The following DIP2C variants were observed in gnomAD, a reference collection of about 807,000 sequenced individuals.
The protein encoded by DIP2C is disco-interacting protein 2 homolog C.
Under a neutral mutation model 192.4 loss-of-function variants are expected in DIP2C, and 33 were observed. The ratio of observed to expected loss-of-function variants is 0.17; its 90% CI spans 0.13 to 0.23. DIP2C has a LOEUF of 0.23. Among genes scored for constraint, DIP2C ranks in the 10% least tolerant of loss-of-function variants. The pLI is 1.00. For synonymous variants in DIP2C, 979 were observed against 864.1 expected, an observed-to-expected ratio of 1.13 and a Z score of -2.33; for missense variants, 1,537 against 2,110.1, an observed-to-expected ratio of 0.73 and a Z score of 5.32.
At chr10:572,631 C>T (rs1849895798) in intron 1 of DIP2C, among the ~76,000 whole-genome samples, 1 of 152,248 alleles carries the variant, frequency 6.6e-6, no homozygotes, top group Admixed American at 6.5e-5. Flanking sequence ...ACACGGTCAA[C>T]ATTCTGCTCT....
chr10:660,533 C>T (rs1209430071), intron 1 of DIP2C, among the ~76,000 whole-genome samples: 1 of 152,208 alleles, frequency 6.6e-6, no homozygotes, highest in Non-Finnish European at 1.5e-5. Flanking sequence ...TAGCTCTTGT[C>T]CCTGTTTCAT....
chr10:454,114 A>G (rs1969084205), intron 3 of DIP2C, among the ~76,000 whole-genome samples: 2 of 152,300 alleles, frequency 1.3e-5, no homozygotes, highest in South Asian at 4.2e-4. Flanking sequence ...GTGACTCCAA[A>G]AGAGGCAGAT....
intron 17 of DIP2C, among the ~76,000 whole-genome samples, chr10:375,282 T>C (rs574875841): frequency 2.0e-5 from 3 of 152,156 alleles, no homozygotes; most frequent in African/African-American, 4.8e-5. Context: ...CTCTCTCTCT[T>C]GCTCGCTCAA....
chr10:674,789 T>TATATAGAGAGAG lies in DIP2C; in HGVS notation c.85+14704_85+14705insCTCTCTCTATAT. 4.2e-3 allele frequency among the ~76,000 whole-genome samples: 262 copies of TATATAGAGAGAG among 62,462 alleles called. 3 individuals are homozygous for TATATAGAGAGAG. The highest frequency in any genetic ancestry group is 5.9e-3 in the African/African-American group (65 of 11,048). The allele number at this position is 62,462 out of a possible 152,430, so 41.0% of individuals were successfully genotyped here. A position where few individuals can be genotyped will look rare whatever the true frequency, so the allele number is the denominator to read the frequency against. ...CATCTCAAATATATATATATATATA[T>TATATAGAGAGAG]AGAGAGAGAGAGAGAGAGAGAGAGA... On this transcript the variant is annotated intron_variant, in intron 1 of 36. Transcript: ENST00000280886.
At chr10:664,575 T>C (rs187069436) in intron 1 of DIP2C, 7 of 152,330 alleles carry the variant, frequency 4.6e-5, no homozygotes, top group Admixed American at 3.3e-4. Flanking sequence ...ACACTATTGA[T>C]CATTGTTATA....
chr10:443,515 T>C (rs907832554), intron 3 of DIP2C, among the ~76,000 whole-genome samples: 2 of 152,180 alleles, frequency 1.3e-5, no homozygotes, highest in Non-Finnish European at 2.9e-5. Flanking sequence ...ACTGGGGGTC[T>C]CTGCTGCTGG....
At chr10:477,764 G>A (rs1843183073) in intron 2 of DIP2C, among the ~76,000 whole-genome samples, 1 of 130,094 alleles carries the variant, frequency 7.7e-6, no homozygotes, top group African/African-American at 2.9e-5. Flanking sequence ...GGAGAGAGAA[G>A]AAAAAGGAAA....
intron 24 of DIP2C, 83 bp from the exon 25 acceptor site, chr10:349,537 A>G: frequency 6.6e-7 from 1 of 1,511,048 alleles, no homozygotes; most frequent in Non-Finnish European, 8.9e-7. Flanking sequence ...CATACAACTC[A>G]CTGGCGCAAA....
chr10:465,822 A>G (rs28877422), intron 3 of DIP2C, among the ~76,000 whole-genome samples: 14,710 of 151,056 alleles, frequency 0.097, 836 homozygotes, highest in East Asian at 0.23. Context: ...CTAGGAATCC[A>G]ACTTACAAGG....
In DIP2C at chr10:681,680, C is replaced by T. The variant is rs372149855; in HGVS notation, c.85+7814G>A. On this transcript the variant is annotated intron_variant, in intron 1 of 36. Coordinates refer to ENST00000280886, the MANE Select transcript of DIP2C (RefSeq NM_014974.3). ...AGTCACATGGTACAGCCACCATCTA[C>T]GGCCACGGAAATTCCAGGGAATGCA... is the stretch of plus-strand genomic sequence containing the variant. 4.2e-4 allele frequency among the ~76,000 whole-genome samples: 64 copies of T among 150,990 alleles called. No homozygotes were observed. The South Asian group carries it at 5.5e-3, about 13-fold the overall frequency.
At chr10:513,916 C>T (rs1414496361) in intron 1 of DIP2C, among the ~76,000 whole-genome samples, 5 of 152,210 alleles carry the variant, frequency 3.3e-5, no homozygotes, top group East Asian at 1.9e-4. Flanking sequence ...CTGGAAGCCA[C>T]GGCCAAATGC....
chr10:641,138 G>GC (rs1554763271), intron 1 of DIP2C, among the ~76,000 whole-genome samples: 1 of 12,634 alleles, frequency 7.9e-5, no homozygotes, highest in Non-Finnish European at 2.2e-4. Flanking sequence ...ATTGCTAATT[G>GC]CAAAAAAAAA....
chr10:375,253 A>G (rs1473159292), intron 17 of DIP2C, among the ~76,000 whole-genome samples: 3 of 152,172 alleles, frequency 2.0e-5, no homozygotes, highest in Non-Finnish European at 4.4e-5. Context: ...TGTTTAGAAT[A>G]GAGCTGGGCA....
At chr10:279,528 T>A (rs1272026030) in intron 36 of DIP2C, among the ~76,000 whole-genome samples, 1 of 152,210 alleles carries the variant, frequency 6.6e-6, no homozygotes, top group African/African-American at 2.4e-5. Context: ...TGAGAACAAC[T>A]GATGAGAAAT....
chr10:304,245 G>A (rs554117575), intron 32 of DIP2C, among the ~76,000 whole-genome samples: 8 of 152,056 alleles, frequency 5.3e-5, no homozygotes, highest in South Asian at 2.1e-4. Context: ...AACACATAAC[G>A]CATTGCATTA....
chr10:342,216 T>C (rs1044672405), intron 28 of DIP2C, among the ~76,000 whole-genome samples: 17 of 152,042 alleles, frequency 1.1e-4, no homozygotes, highest in Admixed American at 1.1e-3. Context: ...TGGAGTGCAG[T>C]GGTGCGATCT....
intron 19 of DIP2C, chr10:364,857 C>A: frequency 1.6e-6 from 1 of 632,412 alleles, no homozygotes; most frequent in African/African-American, 1.8e-5. Flanking sequence ...AGATAACACC[C>A]AGAAGTCTCA....
intron 1 of DIP2C, among the ~76,000 whole-genome samples, chr10:634,132 C>T (rs1240562645): frequency 1.3e-5 from 2 of 152,174 alleles, no homozygotes; most frequent in East Asian, 3.9e-4. Flanking sequence ...CAGAAAGAGC[C>T]TCCCAGTCCA....
intron 17 of DIP2C, among the ~76,000 whole-genome samples, chr10:377,238 C>G (rs539341428): frequency 6.6e-6 from 1 of 151,020 alleles, no homozygotes; most frequent in East Asian, 2.0e-4. Context: ...TTTACAAACT[C>G]TTTCTCATAA....
Sources: gnomAD v4.1 joint callset for allele counts (sites outside exome capture counted in the v4.1 genomes callset) on GRCh38, gnomAD v4.1.1 for gene constraint, MANE v1.5 for transcripts, NCBI Gene and HGNC (gene_info 2026-07-23, HGNC 2026-07-21) for gene names.